NKAIN2: variants seen among roughly 807,000 people sequenced by gnomAD.
NKAIN2 encodes the protein sodium/potassium-transporting ATPase subunit beta-1-interacting protein 2.
Under a neutral mutation model 32.6 loss-of-function variants are expected in NKAIN2, and 14 were observed. The observed-to-expected ratio is 0.43, with a 90% CI of 0.28 to 0.67. The LOEUF (loss-of-function observed/expected upper bound fraction) is 0.67, where lower values mean the gene tolerates loss of function less well. Among genes scored for constraint, NKAIN2 ranks in the 30% least tolerant of loss-of-function variants. The probability of loss-of-function intolerance (pLI) is 0.17; values close to 1 mark genes in which losing one functional copy is unlikely to be tolerated. For missense variants in NKAIN2, 198 were observed against 258.3 expected, an observed-to-expected ratio of 0.77 and a Z score of 1.60; for synonymous variants, 80 against 87.2, an observed-to-expected ratio of 0.92 and a Z score of 0.46.
chr6:124,599,604 T>C (rs1782232027), intron 3 of NKAIN2, among the ~76,000 whole-genome samples: 1 of 152,164 alleles, frequency 6.6e-6, no homozygotes, highest in Non-Finnish European at 1.5e-5. Context: ...AGATGGTGGA[T>C]ACTTCTTGGG....
rs187587493 is a variant in NKAIN2, at chr6:124,154,730, C to G, written c.55-128275C>G. On this transcript the variant is annotated intron_variant, in intron 1 of 6. Transcript: ENST00000368417. ...CGGAGCACCACTGAATTGTGTTCTT[C>G]TTATTTAATGCCAAATTCTAGGACC... Among the ~76,000 whole-genome samples, 625 of 152,046 alleles carry G rather than the reference C, an allele frequency of 4.1e-3. 12 individuals carry two copies. The highest frequency in any genetic ancestry group is 0.029 in the Admixed American group (446 of 15,256).
Position 124,749,435 on chromosome 6 carries a change from C to T in NKAIN2, c.475-41904C>T, listed in dbSNP as rs147791937. Among the ~76,000 whole-genome samples, 1,023 of 151,990 alleles carry T rather than the reference C, an allele frequency of 6.7e-3. 10 individuals carry two copies. The highest frequency in any genetic ancestry group is 0.023 in the African/African-American group (936 of 41,484). On this transcript the variant is annotated intron_variant, in intron 4 of 6. Coordinates refer to ENST00000368417, the MANE Select transcript of NKAIN2 (RefSeq NM_001040214.3). ...GATGGACGTATTTGGGGACCTCACC[C>T]TGCCTATCTCAACAACAAATTTATA...
rs527967972 is a variant in NKAIN2 at position 123,978,455 on chromosome 6, T to C, written c.54+174201T>C. 2.4e-3 allele frequency among the ~76,000 whole-genome samples: 365 copies of C among 152,282 alleles called. 1 individual carries two copies. Among genetic ancestry groups the C allele is most frequent in the African/African-American group, 8.3e-3 (347 of 41,564 alleles). On this transcript the variant is annotated intron_variant, in intron 1 of 6. Transcript: ENST00000368417. ...TAAATGGAGTATAGCCTGTTAACAA[T>C]TATTAATATAGTATCAGTGCAAATT...
At chr6:123,892,604 A>T (rs528977116) in intron 1 of NKAIN2, among the ~76,000 whole-genome samples, 101 of 152,052 alleles carry the variant, frequency 6.6e-4, no homozygotes, top group African/African-American at 2.4e-3. Context: ...GGGGACACAG[A>T]CCCAAACCGT....
intron 3 of NKAIN2, among the ~76,000 whole-genome samples, chr6:124,611,062 G>T (rs1260569170): frequency 1.3e-5 from 2 of 152,078 alleles, no homozygotes; most frequent in African/African-American, 4.8e-5. Context: ...ACTTTTTTGT[G>T]TGTGCAGAAA....
intron 4 of NKAIN2, among the ~76,000 whole-genome samples, chr6:124,705,735 C>G (rs572120299): frequency 1.4e-4 from 21 of 152,148 alleles, no homozygotes; most frequent in African/African-American, 4.6e-4. Context: ...AATCATAAGA[C>G]ATACTGTTAA....
chr6:124,771,906 T>G (rs1429083460), intron 4 of NKAIN2, among the ~76,000 whole-genome samples: 1 of 152,080 alleles, frequency 6.6e-6, no homozygotes, highest in Non-Finnish European at 1.5e-5. Context: ...TGATATATGT[T>G]AGAGGAGTTG....
At chr6:123,874,720 A>T (rs909255045) in intron 1 of NKAIN2, among the ~76,000 whole-genome samples, 2 of 152,066 alleles carry the variant, frequency 1.3e-5, no homozygotes, top group African/African-American at 4.8e-5. Context: ...TTGGCCTATA[A>T]AATATTTTTA....
At chr6:123,939,861 C>T (rs1170832244) in intron 1 of NKAIN2, among the ~76,000 whole-genome samples, 1 of 151,912 alleles carries the variant, frequency 6.6e-6, no homozygotes, top group Non-Finnish European at 1.5e-5. Context: ...TCCATAATGA[C>T]AGAATTCTTC....
At chr6:123,998,743 C>CTG (rs34410164) in intron 1 of NKAIN2, among the ~76,000 whole-genome samples, 1,350 of 134,208 alleles carry the variant, frequency 0.01, 14 homozygotes, top group African/African-American at 0.027. Context: ...CTCTCTCTCT[C>CTG]TGTGTGTGTG....
At position 124,173,254 on chromosome 6, in the gene NKAIN2, A is replaced by C. The variant is rs191968539; in HGVS notation, c.55-109751A>C. On this transcript the variant is annotated intron_variant, in intron 1 of 6. Transcript: ENST00000368417. ...ATGACTAGTTTTTACATATGAATTCAAAATGATTCGGTTGATTCTTAACAT... is the reference window on the plus strand; with the variant it reads ...ATGACTAGTTTTTACATATGAATTCCAAATGATTCGGTTGATTCTTAACAT... Among the ~76,000 whole-genome samples, 29 of 152,290 alleles carry C rather than the reference A, an allele frequency of 1.9e-4. No individual in the cohort carries two copies. The East Asian group carries it at 4.8e-3, about 25-fold the overall frequency.
At chr6:124,224,223 A>G (rs923489931) in intron 1 of NKAIN2, among the ~76,000 whole-genome samples, 4 of 152,152 alleles carry the variant, frequency 2.6e-5, no homozygotes, top group African/African-American at 9.7e-5. Flanking sequence ...ATACACACAT[A>G]CATATATATT....
chr6:124,022,017 T>C (rs953015823), intron 1 of NKAIN2, among the ~76,000 whole-genome samples: 1 of 151,918 alleles, frequency 6.6e-6, no homozygotes, highest in Non-Finnish European at 1.5e-5. Flanking sequence ...TTACATTAGG[T>C]ATATCTCCTA....
At position 124,009,941 on chromosome 6, in the gene NKAIN2, A is replaced by T. The variant is rs185651727; in HGVS notation, c.54+205687A>T. Reference sequence around the variant, plus strand: ...GTGTACATAATATATGTATGTATATATGTGTGTGTGTGTATGTATGTATAA... The same window carrying T: ...GTGTACATAATATATGTATGTATATTTGTGTGTGTGTGTATGTATGTATAA... On this transcript the variant is annotated intron_variant, in intron 1 of 6. Coordinates refer to ENST00000368417, the MANE Select transcript of NKAIN2 (RefSeq NM_001040214.3). Among the ~76,000 whole-genome samples the T allele has an allele frequency of 3.4e-4, 51 of 152,026 alleles. No individual in the cohort carries two copies. In the East Asian group the frequency reaches 5.2e-3, roughly 16 times the overall value.
intron 1 of NKAIN2, among the ~76,000 whole-genome samples, chr6:123,916,721 T>C (rs982312390): frequency 6.6e-6 from 1 of 151,506 alleles, no homozygotes; most frequent in Admixed American, 6.6e-5. Flanking sequence ...AGAATTGAGA[T>C]GTAGATATAT....
intron 3 of NKAIN2, among the ~76,000 whole-genome samples, chr6:124,500,095 C>T (rs935581465): frequency 6.6e-6 from 1 of 152,188 alleles, no homozygotes; most frequent in African/African-American, 2.4e-5. Flanking sequence ...CTATCTCCCT[C>T]CTCATTATTG....
intron 2 of NKAIN2, among the ~76,000 whole-genome samples, chr6:124,345,098 G>C (rs948340294): frequency 6.6e-6 from 1 of 151,976 alleles, no homozygotes; most frequent in East Asian, 1.9e-4. Context: ...AATCATGTGG[G>C]TTTTGTCTTT....
chr6:123,827,204 G>A (rs1314516798), intron 1 of NKAIN2, among the ~76,000 whole-genome samples: 2 of 151,952 alleles, frequency 1.3e-5, no homozygotes, highest in East Asian at 1.9e-4. Context: ...TGTTCTTGCT[G>A]TCATTGACAA....
intron 1 of NKAIN2, among the ~76,000 whole-genome samples, chr6:124,144,479 G>C (rs1407291945): frequency 6.8e-6 from 1 of 146,934 alleles, no homozygotes; most frequent in Non-Finnish European, 1.5e-5. Flanking sequence ...AATAGACTCA[G>C]ATAAATATTC....
Sources: allele counts gnomAD v4.1 joint callset (sites outside exome capture counted in the v4.1 genomes callset), GRCh38; gene constraint gnomAD v4.1.1; transcripts MANE v1.5; gene names NCBI Gene and HGNC (gene_info 2026-07-23, HGNC 2026-07-21).